Variants in PIH1D2 observed in about 807,000 individuals in gnomAD.
PIH1D2 encodes the protein PIH1 domain-containing protein 2.
PIH1D2 carries 25 observed loss-of-function variants against 31.2 expected under a neutral mutation model. The observed-to-expected ratio is 0.80, with a 90% CI of 0.58 to 1.12. The LOEUF is 1.12. Among genes scored for constraint, PIH1D2 ranks in the 50% most tolerant of loss-of-function variants. PIH1D2 has a pLI of 0.00. For synonymous variants in PIH1D2, 116 were observed against 119.9 expected (o/e 0.97, Z 0.21); for missense variants, 310 against 356.6 (o/e 0.87, Z 1.05).
At chr11:112,072,729 T>TGGC (rs1865168328) in intron 2 of PIH1D2, 1 of 265,840 alleles carries the variant, frequency 3.8e-6, no homozygotes, top group African/African-American at 2.2e-5. Context: ...CCGGGCATGG[T>TGGC]AGTACACACC....
At position 112,073,138 on chromosome 11, in the gene PIH1D2, T is replaced by A; in HGVS notation, c.37A>T (p.Thr13Ser). Reference sequence around the variant, plus strand: ...TCATCTAGGAGGTTCCAAAACTGAGTAACTTGGGTAAGCAGACCTTTTGAG... The same window carrying A: ...TCATCTAGGAGGTTCCAAAACTGAGAAACTTGGGTAAGCAGACCTTTTGAG... ...TSSKGLLTQV[T>S]QFWNLLDDLA... The change falls in exon 2 of 6, where the codon ACT (threonine) becomes TCT (serine). Residue 13 changes from threonine (T) to serine (S), a missense_variant. Physicochemically the swap from Thr to Ser is moderately conservative, Grantham distance 58 (BLOSUM62 1). Transcript: ENST00000280350. 1 of 1,613,466 alleles carries A rather than the reference T, an allele frequency of 6.2e-7. No homozygotes were observed. Among genetic ancestry groups the A allele is most frequent in the African/African-American group, 1.3e-5 (1 of 75,014 alleles).
At chr11:112,072,835 G>C in intron 2 of PIH1D2, 163 bp downstream of exon 2, 1 of 775,862 alleles carries the variant, frequency 1.3e-6, no homozygotes, top group Non-Finnish European at 1.9e-6. Context: ...TTGCACTCCA[G>C]CCTGGTGACA....
At chr11:112,055,709 G>A in the PIH1D2 span, among the ~76,000 whole-genome samples, 64 of 151,638 alleles carry the variant, frequency 4.2e-4, no homozygotes, top group Admixed American at 7.9e-4. Flanking sequence ...TATGGCCACC[G>A]TGATGATCGT....
chr11:112,067,687 T>TATAA (rs1864977552), downstream of PIH1D2: 1 of 19,610 alleles, frequency 5.1e-5, no homozygotes. Flanking sequence ...AAAAAAAAAA[T>TATAA]ATATATATAT....
chr11:112,065,428 C>T (rs924177984), downstream of PIH1D2, among the ~76,000 whole-genome samples: 1 of 152,054 alleles, frequency 6.6e-6, no homozygotes. Context: ...GGTAGAGATT[C>T]AATTCTATGT....
At chr11:112,059,511 G>A (rs2135152888), downstream of PIH1D2, among the ~76,000 whole-genome samples, 3 of 152,176 alleles carry the variant, frequency 2.0e-5, 1 homozygote, top group Admixed American at 2.0e-4. Flanking sequence ...TCCTGCCTCA[G>A]CCTCCTGAGT....
rs1191925316 is a variant in PIH1D2, at chr11:112,070,089, C to T, written c.813+347G>A. ...TTTGCTCTTCTGTAAGAGGATAGTA[C>T]GTTTACCCTGCCATATGACTTCCTG... is the stretch of plus-strand genomic sequence containing the variant. On this transcript the variant is annotated intron_variant, in intron 5 of 5. Coordinates refer to ENST00000280350, the MANE Select transcript of PIH1D2 (RefSeq NM_138789.4). The T allele has an allele frequency of 6.9e-5, 30 of 432,884 alleles. No individual in the cohort carries two copies. In the East Asian group the frequency reaches 1.0e-3, roughly 15 times the overall value. The allele number at this position is 432,884 out of a possible 1,614,324, so 26.8% of individuals were successfully genotyped here.
At chr11:112,065,388 T>A (rs1255815442), downstream of PIH1D2, among the ~76,000 whole-genome samples, 1 of 152,236 alleles carries the variant, frequency 6.6e-6, no homozygotes, top group Admixed American at 6.5e-5. Context: ...CAGATACTGA[T>A]GAAAATAGCA....
chr11:112,065,047 A>G (rs1864870617), downstream of PIH1D2, among the ~76,000 whole-genome samples: 1 of 151,920 alleles, frequency 6.6e-6, no homozygotes, highest in Non-Finnish European at 1.5e-5. Flanking sequence ...TCACCGTGTT[A>G]GCCAGGATGG....
downstream of PIH1D2, chr11:112,063,987 C>T (rs1864794970): frequency 2.0e-6 from 1 of 491,214 alleles, no homozygotes; most frequent in Non-Finnish European, 3.5e-6. Context: ...TTCATTATTA[C>T]ATGGTACACA....
the PIH1D2 span, among the ~76,000 whole-genome samples, chr11:112,055,235 A>ATTTT: frequency 2.3e-4 from 17 of 75,454 alleles, no homozygotes; most frequent in South Asian, 1.5e-3. Context: ...GTCAAGGCCT[A>ATTTT]TTTTTTTTTT....
At chr11:112,054,229 T>C in the PIH1D2 span, among the ~76,000 whole-genome samples, 3 of 151,880 alleles carry the variant, frequency 2.0e-5, no homozygotes, top group African/African-American at 4.8e-5. Flanking sequence ...GGCAGGAGAA[T>C]TGCTTGAACC....
the PIH1D2 span, among the ~76,000 whole-genome samples, chr11:112,057,799 G>A: frequency 1.3e-4 from 20 of 152,164 alleles, 1 homozygote; most frequent in African/African-American, 4.6e-4. Flanking sequence ...CTCATCAGTC[G>A]GCAGCCATCA....
chr11:112,070,389 G>A (rs1356335819), intron 5 of PIH1D2, 47 bp downstream of exon 5: 1 of 1,580,448 alleles, frequency 6.3e-7, no homozygotes, highest in East Asian at 2.2e-5. Context: ...ATATATGTTA[G>A]TGAATGCTGG....
chr11:112,058,260 A>G (rs1338213431), downstream of PIH1D2, among the ~76,000 whole-genome samples: 2 of 152,196 alleles, frequency 1.3e-5, no homozygotes, highest in African/African-American at 4.8e-5. Flanking sequence ...GCAATATTGT[A>G]ATAATTTATT....
At chr11:112,064,719 A>G (rs1254812714), downstream of PIH1D2, among the ~76,000 whole-genome samples, 1 of 152,186 alleles carries the variant, frequency 6.6e-6, no homozygotes, top group East Asian at 1.9e-4. Flanking sequence ...AAACCAGCAC[A>G]TTAGAGAGAT....
At chr11:112,063,910 T>C (rs144371275), downstream of PIH1D2, 389 of 351,216 alleles carry the variant, frequency 1.1e-3, 2 homozygotes, top group Middle Eastern at 0.012. Context: ...TCCTGGTATA[T>C]GTAATATGTG....
At chr11:112,067,713 T>TATATATATA (rs1555184023), downstream of PIH1D2, 14 of 255,776 alleles carry the variant, frequency 5.5e-5, no homozygotes, top group South Asian at 7.0e-5. Context: ...TATATATATA[T>TATATATATA]TTGACATAAC....
chr11:112,056,794 G>A, the PIH1D2 span, among the ~76,000 whole-genome samples: 1 of 152,182 alleles, frequency 6.6e-6, no homozygotes, highest in African/African-American at 2.4e-5. Context: ...CCCACCAATA[G>A]TGGATAAGTG....
Sources: gnomAD v4.1 joint callset for allele counts (sites outside exome capture counted in the v4.1 genomes callset) on GRCh38, gnomAD v4.1.1 for gene constraint, MANE v1.5 for transcripts, NCBI Gene and HGNC (gene_info 2026-07-23, HGNC 2026-07-21) for gene names.